RBMS3: variants seen among roughly 807,000 people sequenced by gnomAD.
The protein encoded by RBMS3 is RNA-binding motif, single-stranded-interacting protein 3.
In RBMS3, 27 loss-of-function variants were observed where a neutral mutation model predicts 66.8. The ratio of observed to expected loss-of-function variants is 0.40; its 90% CI spans 0.30 to 0.56. RBMS3 has a LOEUF of 0.56. Ranked by LOEUF, RBMS3 falls within the 20% of genes least tolerant of loss-of-function variation. The pLI is 0.40. For synonymous variants in RBMS3, 188 were observed against 183.0 expected, an observed-to-expected ratio of 1.03 and a Z score of -0.22; for missense variants, 513 against 549.5, an observed-to-expected ratio of 0.93 and a Z score of 0.66.
In RBMS3 at chr3:29,666,288, T is replaced by G. The variant is rs1264026814; in HGVS notation, c.400-73432T>G. 3.3e-5 allele frequency among the ~76,000 whole-genome samples: 5 copies of G among 152,232 alleles called. No homozygotes were observed. The East Asian group carries it at 9.6e-4, about 29-fold the overall frequency. ...ACAGCACATATATTAAGTGCTTTAC[T>G]TTTCAAATTGTCTGTTTTCAACCAC... On this transcript the variant is annotated intron_variant, in intron 4 of 14. Coordinates refer to ENST00000383767, the MANE Select transcript of RBMS3 (RefSeq NM_001003793.3).
At chr3:29,838,029 T>TA (rs1296346628) in intron 6 of RBMS3, among the ~76,000 whole-genome samples, 5 of 149,640 alleles carry the variant, frequency 3.3e-5, no homozygotes, top group Admixed American at 1.3e-4. Context: ...ATAGGCCACT[T>TA]AAAAAAAAAT....
intron 4 of RBMS3, among the ~76,000 whole-genome samples, chr3:29,646,624 T>A (rs766083907): frequency 1.3e-5 from 2 of 151,662 alleles, no homozygotes; most frequent in Non-Finnish European, 2.9e-5. Context: ...TTTTTTTTCA[T>A]ACCAAATCAT....
At chr3:29,801,272 C>CTTTTTTTTTTTTTTTTTTTTTTT (rs200997680) in intron 6 of RBMS3, among the ~76,000 whole-genome samples, 1 of 129,478 alleles carries the variant, frequency 7.7e-6, no homozygotes, top group African/African-American at 3.0e-5. Context: ...TGCTTTTTTT[C>CTTTTTTTTTTTTTTTTTTTTTTT]TTTTTTTTTT....
chr3:29,991,291 T>C (rs1252163703), intron 14 of RBMS3, 82 bp downstream of exon 14: 1 of 1,587,872 alleles, frequency 6.3e-7, no homozygotes, highest in Non-Finnish European at 8.6e-7. Context: ...TGTTAGCTTT[T>C]GCTGAAATAT....
intron 4 of RBMS3, among the ~76,000 whole-genome samples, chr3:29,643,664 C>T (rs749050396): frequency 1.3e-5 from 2 of 152,158 alleles, no homozygotes; most frequent in Non-Finnish European, 2.9e-5. Flanking sequence ...TCAAGGAAAG[C>T]GCCGTTGTTT....
chr3:29,473,379 A>T (rs1381827372), intron 2 of RBMS3, among the ~76,000 whole-genome samples: 3 of 152,190 alleles, frequency 2.0e-5, no homozygotes, highest in Non-Finnish European at 4.4e-5. Flanking sequence ...GCATTCACAA[A>T]CCCTTAGCTA....
chr3:29,897,571 T>C lies in RBMS3; in HGVS notation c.888+96T>C, dbSNP rs1208313654. The C allele has an allele frequency of 1.9e-5, 21 of 1,093,752 alleles. No individual in the cohort carries two copies. The East Asian group carries it at 4.7e-4, about 25-fold the overall frequency. 67.8% of individuals were successfully genotyped at this position (1,093,752 alleles called of 1,614,324 possible). A position where few individuals can be genotyped will look rare whatever the true frequency, so the allele number is the denominator to read the frequency against. On this transcript the variant is annotated intron_variant, in intron 9 of 14. Coordinates refer to ENST00000383767, the MANE Select transcript of RBMS3 (RefSeq NM_001003793.3). ...ACACAGTAGAATGAAAAGAAAAAAA[T>C]TCTCATACACTTTAATCACATCTTA...
intron 5 of RBMS3, among the ~76,000 whole-genome samples, chr3:29,749,781 A>G (rs2055089652): frequency 6.6e-6 from 1 of 152,210 alleles, no homozygotes; most frequent in Non-Finnish European, 1.5e-5. Flanking sequence ...TCCTCAAAGC[A>G]ATCTGGTCAT....
At chr3:29,401,154 C>T (rs2039794236) in intron 1 of RBMS3, among the ~76,000 whole-genome samples, 1 of 151,976 alleles carries the variant, frequency 6.6e-6, no homozygotes, top group African/African-American at 2.4e-5. Flanking sequence ...GGCTTCAATC[C>T]AGTTCGCTAG....
chr3:29,802,227 A>G (rs921052354), intron 6 of RBMS3, among the ~76,000 whole-genome samples: 1 of 152,150 alleles, frequency 6.6e-6, no homozygotes, highest in African/African-American at 2.4e-5. Context: ...AATCTACTTT[A>G]TGGGCTATTT....
intron 8 of RBMS3, among the ~76,000 whole-genome samples, chr3:29,896,373 A>G (rs2060123699): frequency 6.6e-6 from 1 of 151,484 alleles, no homozygotes. Context: ...TATTAAAAAA[A>G]AAACAAAACA....
chr3:29,723,327 A>G (rs2053724005), intron 4 of RBMS3, among the ~76,000 whole-genome samples: 1 of 152,078 alleles, frequency 6.6e-6, no homozygotes, highest in South Asian at 2.1e-4. Context: ...ATAAATTATT[A>G]CCATTGGGGT....
intron 12 of RBMS3, among the ~76,000 whole-genome samples, chr3:29,963,795 C>G (rs548495046): frequency 6.7e-6 from 1 of 148,430 alleles, no homozygotes; most frequent in Non-Finnish European, 1.5e-5. Flanking sequence ...CCACCGTACT[C>G]CAGGCTAGGT....
intron 4 of RBMS3, among the ~76,000 whole-genome samples, chr3:29,705,164 C>T (rs1487286951): frequency 6.6e-6 from 1 of 152,212 alleles, no homozygotes; most frequent in Non-Finnish European, 1.5e-5. Flanking sequence ...ACCATTACGG[C>T]CACATTGCAG....
intron 4 of RBMS3, among the ~76,000 whole-genome samples, chr3:29,606,236 C>T (rs894615989): frequency 3.3e-5 from 5 of 151,842 alleles, no homozygotes; most frequent in Admixed American, 6.6e-5. Context: ...ACAATCCCTT[C>T]GCATTGTCAT....
At chr3:29,343,341 C>T (rs951273052) in intron 1 of RBMS3, among the ~76,000 whole-genome samples, 4 of 151,102 alleles carry the variant, frequency 2.6e-5, no homozygotes, top group Admixed American at 6.6e-5. Flanking sequence ...CTAGTTGTAC[C>T]GACACTGATA....
At chr3:29,678,213 C>A (rs1047493877) in intron 4 of RBMS3, among the ~76,000 whole-genome samples, 1 of 152,002 alleles carries the variant, frequency 6.6e-6, no homozygotes, top group Non-Finnish European at 1.5e-5. Context: ...ATAAAATATT[C>A]TAGTGACTTG....
At chr3:29,720,696 C>CTGTGTGTGTGTGTGTG (rs201802434) in intron 4 of RBMS3, among the ~76,000 whole-genome samples, 8,004 of 147,336 alleles carry the variant, frequency 0.054, 283 homozygotes, top group Middle Eastern at 0.14. Context: ...CTGTAAGAAT[C>CTGTGTGTGTGTGTGTG]TGTGTGTGTG....
At chr3:29,600,454 T>A (rs1436373784) in intron 4 of RBMS3, among the ~76,000 whole-genome samples, 2 of 152,018 alleles carry the variant, frequency 1.3e-5, no homozygotes, top group African/African-American at 4.8e-5. Context: ...TCCCTTTGCT[T>A]TCTGTCTTGA....
Sources: gnomAD v4.1 joint callset for allele counts (sites outside exome capture counted in the v4.1 genomes callset) on GRCh38, gnomAD v4.1.1 for gene constraint, MANE v1.5 for transcripts, NCBI Gene and HGNC (gene_info 2026-07-23, HGNC 2026-07-21) for gene names.